The following TMIGD3 variants were observed in gnomAD, a reference collection of about 807,000 sequenced individuals.
TMIGD3 encodes AD026 protein (AD026).
Under a neutral mutation model 28.1 loss-of-function variants are expected in TMIGD3, and 21 were observed. That is an observed-to-expected ratio of 0.75 (90% confidence interval 0.53 to 1.08). The LOEUF (loss-of-function observed/expected upper bound fraction) is 1.08, where lower values mean the gene tolerates loss of function less well. Among genes scored for constraint, TMIGD3 ranks in the 50% least tolerant of loss-of-function variants. The pLI, the probability that TMIGD3 is intolerant of heterozygous loss-of-function variation, is 0.00. For missense variants in TMIGD3, 416 were observed against 435.6 expected (o/e 0.96, Z 0.40); for synonymous variants, 151 against 162.1 (o/e 0.93, Z 0.52).
intron 1 of TMIGD3, among the ~76,000 whole-genome samples, chr1:111,526,489 C>T (rs1014987538): frequency 2.6e-5 from 4 of 152,160 alleles, no homozygotes; most frequent in Non-Finnish European, 5.9e-5. Flanking sequence ...GCCTCCCCAG[C>T]CCTGCAGAAC....
At chr1:111,553,289 G>C (rs970005587) in intron 1 of TMIGD3, among the ~76,000 whole-genome samples, 3 of 152,198 alleles carry the variant, frequency 2.0e-5, no homozygotes, top group Non-Finnish European at 4.4e-5. Context: ...TCCTAGGCTT[G>C]GGATTCCTCA....
intron 3 of TMIGD3, 71 bp downstream of exon 3, chr1:111,488,606 G>T: frequency 7.1e-7 from 1 of 1,408,656 alleles, no homozygotes; most frequent in Non-Finnish European, 9.8e-7. Context: ...TGGCTTCAGA[G>T]AGTGCTCTCT....
intron 1 of TMIGD3, among the ~76,000 whole-genome samples, chr1:111,555,362 T>TAAAAAAAAAAAAAAAAAAAA (rs397981230): frequency 1.0e-4 from 5 of 47,638 alleles, no homozygotes; most frequent in African/African-American, 4.8e-4. Context: ...TGAGACTCTG[T>TAAAAAAAAAAAAAAAAAAAA]AAAAAAAAAA....
At chr1:111,500,395 A>G in intron 1 of TMIGD3, 1 of 1,614,204 alleles carries the variant, frequency 6.2e-7, no homozygotes, top group East Asian at 2.2e-5. Flanking sequence ...CATTCTCATG[A>G]CGGAAACAAA....
At chr1:111,499,743 A>C in intron 1 of TMIGD3, 3 of 1,398,234 alleles carry the variant, frequency 2.1e-6, no homozygotes, top group Non-Finnish European at 2.8e-6. Flanking sequence ...AAAACACTGA[A>C]TTAGAGAGAA....
At chr1:111,485,157 C>G (rs1003156018) in intron 5 of TMIGD3, among the ~76,000 whole-genome samples, 2 of 152,180 alleles carry the variant, frequency 1.3e-5, no homozygotes, top group Admixed American at 6.5e-5. Context: ...AGCAACTGCA[C>G]TCCAGCCTGG....
chr1:111,523,073 G>C (rs1260871251), intron 1 of TMIGD3, among the ~76,000 whole-genome samples: 2 of 152,158 alleles, frequency 1.3e-5, no homozygotes, highest in Admixed American at 1.3e-4. Flanking sequence ...ATCTTAGGGG[G>C]AAAGCATTCA....
intron 1 of TMIGD3, among the ~76,000 whole-genome samples, chr1:111,560,563 A>G (rs1489059180): frequency 6.6e-6 from 1 of 151,942 alleles, no homozygotes; most frequent in East Asian, 1.9e-4. Context: ...ATCATAGCTC[A>G]CTGCAGCCTC....
intron 1 of TMIGD3, among the ~76,000 whole-genome samples, chr1:111,526,328 T>C (rs1444676940): frequency 2.0e-5 from 3 of 152,178 alleles, no homozygotes; most frequent in Non-Finnish European, 4.4e-5. Context: ...TTCCCCATGC[T>C]ATTCTTGTGA....
At chr1:111,543,774 A>G (rs957560697) in intron 1 of TMIGD3, among the ~76,000 whole-genome samples, 1 of 151,624 alleles carries the variant, frequency 6.6e-6, no homozygotes, top group Non-Finnish European at 1.5e-5. Context: ...GACAGCTTCA[A>G]ACAAAAATAG....
intron 1 of TMIGD3, among the ~76,000 whole-genome samples, chr1:111,549,513 G>A (rs1184615464): frequency 6.6e-6 from 1 of 151,844 alleles, no homozygotes; most frequent in Non-Finnish European, 1.5e-5. Context: ...AACCTGGTGT[G>A]GTGGCATGCG....
At chr1:111,547,484 A>G (rs1657076274) in intron 1 of TMIGD3, among the ~76,000 whole-genome samples, 1 of 152,144 alleles carries the variant, frequency 6.6e-6, no homozygotes. Flanking sequence ...AAATGGAGTT[A>G]AAAAATATAA....
At chr1:111,506,357 C>T (rs1331453919), upstream of TMIGD3, among the ~76,000 whole-genome samples, 7 of 152,248 alleles carry the variant, frequency 4.6e-5, no homozygotes. Context: ...AGCGAGGACT[C>T]TTAAGTGCTC....
chr1:111,514,834 C>T (rs1421431994), intron 1 of TMIGD3, among the ~76,000 whole-genome samples: 2 of 152,184 alleles, frequency 1.3e-5, no homozygotes, highest in Admixed American at 6.5e-5. Flanking sequence ...TTTCATTAAC[C>T]TTGGAATACT....
In TMIGD3 at chr1:111,500,589, G is replaced by C. The variant is rs1655124828; in HGVS notation, c.350+2416C>G. ...AATGAAGAGAGTCAGTGAGTCCACA[G>C]CAGTAATTGCTAAAGGGTAGGGGAG... On this transcript the variant is annotated intron_variant, in intron 1 of 5. Transcript: ENST00000369716. 9 of 1,600,522 alleles carry C rather than the reference G, an allele frequency of 5.6e-6. No individual in the cohort carries two copies. In the East Asian group the frequency reaches 2.0e-4, roughly 36 times the overall value.
intron 1 of TMIGD3, among the ~76,000 whole-genome samples, chr1:111,502,174 A>G (rs2265692): frequency 0.013 from 365 of 29,122 alleles, 29 homozygotes; most frequent in East Asian, 0.05. Context: ...TTATTATAAT[A>G]AATATATAGG....
chr1:111,539,915 A>T (rs1309604583), intron 1 of TMIGD3, among the ~76,000 whole-genome samples: 1 of 152,224 alleles, frequency 6.6e-6, no homozygotes, highest in Non-Finnish European at 1.5e-5. Context: ...TTAGAAACAC[A>T]TTGAGAACCT....
intron 1 of TMIGD3, among the ~76,000 whole-genome samples, chr1:111,523,921 AT>A (rs138983562): frequency 0.023 from 3,115 of 133,976 alleles, 107 homozygotes; most frequent in South Asian, 0.1. Context: ...GATTTTCTCT[AT>A]TTTTTTTGTT....
At chr1:111,545,591 C>T (rs1254572281) in intron 1 of TMIGD3, among the ~76,000 whole-genome samples, 1 of 152,070 alleles carries the variant, frequency 6.6e-6, no homozygotes, top group Non-Finnish European at 1.5e-5. Flanking sequence ...TACTTTCTTG[C>T]TAGTGCCCTT....
Sources: gnomAD v4.1 joint callset for allele counts (sites outside exome capture counted in the v4.1 genomes callset) on GRCh38, gnomAD v4.1.1 for gene constraint, MANE v1.5 for transcripts, NCBI Gene and HGNC (gene_info 2026-07-23, HGNC 2026-07-21) for gene names.